The following GRM8 variants were observed in gnomAD, a reference collection of about 807,000 sequenced individuals.
GRM8 encodes glutamate metabotropic receptor 8.
In GRM8, 47 loss-of-function variants were observed where a neutral mutation model predicts 87.2. The observed-to-expected ratio is 0.54, with a 90% CI of 0.43 to 0.69. GRM8 has a LOEUF of 0.69. Among genes scored for constraint, GRM8 ranks in the 30% least tolerant of loss-of-function variants. The probability of loss-of-function intolerance (pLI) is 0.00; values close to 1 mark genes in which losing one functional copy is unlikely to be tolerated. For missense variants in GRM8, 1,019 were observed against 1,139.2 expected, an observed-to-expected ratio of 0.89 and a Z score of 1.52; for synonymous variants, 396 against 404.5, an observed-to-expected ratio of 0.98 and a Z score of 0.25.
At chr7:126,727,760 T>C (rs1813170394) in intron 7 of GRM8, among the ~76,000 whole-genome samples, 1 of 150,736 alleles carries the variant, frequency 6.6e-6, no homozygotes, top group Admixed American at 6.6e-5. Context: ...AACAAAACTA[T>C]AGGTCCTCCC....
chr7:126,453,711 T>A (rs1802903561), intron 9 of GRM8, among the ~76,000 whole-genome samples: 1 of 151,854 alleles, frequency 6.6e-6, no homozygotes, highest in Admixed American at 6.6e-5. Flanking sequence ...TTGTTTTTAT[T>A]AAAGCCTGAT....
chr7:126,986,136 C>T (rs986721955), intron 3 of GRM8, among the ~76,000 whole-genome samples: 10 of 152,048 alleles, frequency 6.6e-5, no homozygotes, highest in African/African-American at 2.4e-4. Context: ...ACCTCAACTT[C>T]CTGAGTAGCT....
At chr7:127,042,016 C>T (rs1049864852) in intron 3 of GRM8, among the ~76,000 whole-genome samples, 2 of 152,090 alleles carry the variant, frequency 1.3e-5, no homozygotes, top group Non-Finnish European at 2.9e-5. Flanking sequence ...ATTGGGCCTC[C>T]GTTCATCTTG....
intron 7 of GRM8, among the ~76,000 whole-genome samples, chr7:126,735,364 A>C (rs2151492577): frequency 6.6e-6 from 1 of 152,216 alleles, no homozygotes; most frequent in East Asian, 1.9e-4. Flanking sequence ...ATTAGGAATC[A>C]ATGATATTCA....
intron 2 of GRM8, among the ~76,000 whole-genome samples, chr7:127,192,555 G>A (rs1004563635): frequency 3.9e-5 from 6 of 152,158 alleles, no homozygotes; most frequent in Non-Finnish European, 8.8e-5. Flanking sequence ...GTCTCAGGGA[G>A]CCCATCAGGG....
chr7:127,168,929 A>G (rs979567246), intron 2 of GRM8, among the ~76,000 whole-genome samples: 8 of 152,012 alleles, frequency 5.3e-5, no homozygotes, highest in Non-Finnish European at 1.0e-4. Flanking sequence ...TGATGGGCGC[A>G]GCAAACCACC....
At chr7:126,655,874 T>TA (rs1804466755) in intron 7 of GRM8, among the ~76,000 whole-genome samples, 1 of 152,140 alleles carries the variant, frequency 6.6e-6, no homozygotes, top group Non-Finnish European at 1.5e-5. Flanking sequence ...AGATATAGCA[T>TA]TAAAATCACA....
At chr7:126,836,393 C>T (rs1487479402) in intron 6 of GRM8, among the ~76,000 whole-genome samples, 1 of 152,172 alleles carries the variant, frequency 6.6e-6, no homozygotes, top group Non-Finnish European at 1.5e-5. Flanking sequence ...CAGCTGAATA[C>T]CTGGTTCAAG....
chr7:127,228,079 A>G (rs1362789072), intron 2 of GRM8, among the ~76,000 whole-genome samples: 2 of 152,250 alleles, frequency 1.3e-5, no homozygotes, highest in East Asian at 1.9e-4. Context: ...CTGTGTTTAG[A>G]GAAAGGAAAC....
intron 3 of GRM8, among the ~76,000 whole-genome samples, chr7:126,963,208 C>A (rs561895821): frequency 6.6e-6 from 1 of 152,276 alleles, no homozygotes; most frequent in East Asian, 1.9e-4. Flanking sequence ...TGGCCAGATT[C>A]AAGTGACTAT....
At chr7:126,666,024 T>C (rs561538236) in intron 7 of GRM8, among the ~76,000 whole-genome samples, 3 of 152,262 alleles carry the variant, frequency 2.0e-5, no homozygotes, top group South Asian at 2.1e-4. Flanking sequence ...ATTAGGGCTA[T>C]TGCAGTACAT....
intron 7 of GRM8, among the ~76,000 whole-genome samples, chr7:126,749,144 G>A (rs1017023472): frequency 3.0e-4 from 45 of 152,126 alleles, no homozygotes; most frequent in African/African-American, 9.1e-4. Context: ...CAGACATCCT[G>A]GTGCCTGCCT....
intron 6 of GRM8, among the ~76,000 whole-genome samples, chr7:126,877,792 A>G (rs1266782296): frequency 1.3e-5 from 2 of 152,148 alleles, no homozygotes; most frequent in Admixed American, 6.5e-5. Context: ...TTGTTCTGTC[A>G]TTATTGGTGC....
chr7:126,871,320 G>C (rs1799076996), intron 6 of GRM8, among the ~76,000 whole-genome samples: 1 of 152,162 alleles, frequency 6.6e-6, no homozygotes, highest in African/African-American at 2.4e-5. Context: ...TTCCTAATAA[G>C]TGTACAAATA....
intron 6 of GRM8, among the ~76,000 whole-genome samples, chr7:126,865,585 C>T (rs1394617578): frequency 6.6e-6 from 1 of 152,158 alleles, no homozygotes; most frequent in Non-Finnish European, 1.5e-5. Flanking sequence ...TCATCCTGTT[C>T]CCGTCCCTTC....
intron 2 of GRM8, among the ~76,000 whole-genome samples, chr7:127,198,676 T>C (rs971246450): frequency 6.6e-6 from 1 of 151,986 alleles, no homozygotes; most frequent in Non-Finnish European, 1.5e-5. Context: ...TGAATTTTTT[T>C]TTTTTTTAAA....
intron 6 of GRM8, among the ~76,000 whole-genome samples, chr7:126,778,118 T>C (rs559831096): frequency 6.6e-6 from 1 of 152,272 alleles, no homozygotes; most frequent in South Asian, 2.1e-4. Flanking sequence ...ATGAAGTAAT[T>C]TGAGCCACTA....
intron 2 of GRM8, among the ~76,000 whole-genome samples, chr7:127,111,515 C>G (rs1202294632): frequency 6.6e-6 from 1 of 152,060 alleles, no homozygotes; most frequent in Non-Finnish European, 1.5e-5. Context: ...TTTTCATGAT[C>G]CTCCCTCTTT....
chr7:126,592,973 G>C (rs1468230558), intron 8 of GRM8, among the ~76,000 whole-genome samples: 1 of 151,760 alleles, frequency 6.6e-6, no homozygotes, highest in African/African-American at 2.4e-5. Context: ...ACAAAAATCA[G>C]AGAACAATCT....
Sources: allele counts gnomAD v4.1 joint callset (sites outside exome capture counted in the v4.1 genomes callset), GRCh38; gene constraint gnomAD v4.1.1; transcripts MANE v1.5; gene names NCBI Gene and HGNC (gene_info 2026-07-23, HGNC 2026-07-21).